ARHGEF10L: variants seen among roughly 807,000 people sequenced by gnomAD.
ARHGEF10L encodes Rho guanine nucleotide exchange factor 10 like, also known as rho guanine nucleotide exchange factor 10-like protein.
In ARHGEF10L, 69 loss-of-function variants were observed where a neutral mutation model predicts 141.2. The ratio of observed to expected loss-of-function variants is 0.49; its 90% CI spans 0.40 to 0.60. The LOEUF (loss-of-function observed/expected upper bound fraction) is 0.60. Among genes scored for constraint, ARHGEF10L ranks in the 20% least tolerant of loss-of-function variants. The pLI is 0.00. For missense variants in ARHGEF10L, 1,482 were observed against 1,734.3 expected (o/e 0.85, Z 2.58); for synonymous variants, 711 against 718.5 (o/e 0.99, Z 0.17).
At chr1:17,545,397 C>T (rs987092904) in intron 1 of ARHGEF10L, among the ~76,000 whole-genome samples, 9 of 152,118 alleles carry the variant, frequency 5.9e-5, no homozygotes, top group African/African-American at 2.2e-4. Flanking sequence ...CTGGGCAGGG[C>T]CTGCTTTGGT....
chr1:17,689,762 C>T (rs757964392), intron 27 of ARHGEF10L: 2 of 455,428 alleles, frequency 4.4e-6, no homozygotes, highest in Non-Finnish European at 4.4e-6. Context: ...GTTAGTGGAA[C>T]AATGAAGAAA....
Position 17,573,819 on chromosome 1 carries a change from C to T in ARHGEF10L, c.-43-6734C>T, listed in dbSNP as rs977182923. ...CCTGCAGATCCTCACCAGGGGCTCCCTAGGAGGTCAGTGCGGGAGGGTGGG... is the reference window on the plus strand; with the variant it reads ...CCTGCAGATCCTCACCAGGGGCTCCTTAGGAGGTCAGTGCGGGAGGGTGGG... On this transcript the variant is annotated intron_variant, in intron 1 of 28. Coordinates refer to ENST00000361221, the MANE Select transcript of ARHGEF10L (RefSeq NM_018125.4). The surrounding 1 kb of genome is among the most constrained non-coding windows in gnomAD (Gnocchi z 4.8). Among the ~76,000 whole-genome samples the T allele has an allele frequency of 6.6e-6, 1 of 151,644 alleles. No homozygotes were observed. Among genetic ancestry groups the T allele is most frequent in the Non-Finnish European group, 1.5e-5 (1 of 67,746 alleles).
At chr1:17,566,311 C>T (rs1370249718) in intron 1 of ARHGEF10L, among the ~76,000 whole-genome samples, 2 of 152,228 alleles carry the variant, frequency 1.3e-5, no homozygotes, top group Non-Finnish European at 2.9e-5. Context: ...GTGTGGCAAC[C>T]AAAGTGTCTA....
chr1:17,557,652 A>G (rs1056596904), intron 1 of ARHGEF10L, among the ~76,000 whole-genome samples: 2 of 152,244 alleles, frequency 1.3e-5, no homozygotes, highest in African/African-American at 4.8e-5. Flanking sequence ...TTGTTAATTT[A>G]TCATTCGTTC....
chr1:17,618,229 C>A, intron 9 of ARHGEF10L: 5 of 1,233,140 alleles, frequency 4.1e-6, no homozygotes, highest in Non-Finnish European at 5.4e-6. Context: ...CCTCCCAACC[C>A]CAGGCTGGCT....
chr1:17,551,630 A>G (rs1405639643), intron 1 of ARHGEF10L, among the ~76,000 whole-genome samples: 1 of 152,212 alleles, frequency 6.6e-6, no homozygotes, highest in East Asian at 1.9e-4. Flanking sequence ...TGCAAGGGAC[A>G]GAAGAGTTAC....
chr1:17,616,069 G>C, intron 8 of ARHGEF10L, 25 bp from the exon 9 acceptor site: 6 of 1,606,030 alleles, frequency 3.7e-6, no homozygotes, highest in Non-Finnish European at 3.4e-6. Flanking sequence ...TCCCTTCCCT[G>C]ATGAGCCTCT....
chr1:17,603,449 AC>A lies in ARHGEF10L; in HGVS notation c.350-57del. 1.4e-6 allele frequency: 2 copies of A among 1,425,608 alleles called. No homozygotes were observed. The highest frequency in any genetic ancestry group is 2.0e-6 in the Non-Finnish European group (2 of 1,025,180). The allele number at this position is 1,425,608 out of a possible 1,614,324, so 88.3% of individuals were successfully genotyped here. ...GTGCAGTCCTGATGTCATCTGCAGC[AC>A]CTCTGGCCAGGCTGCCACAGCCCAC... On this transcript the variant is annotated intron_variant, in intron 5 of 28. Transcript: ENST00000361221. This position sits in a 1 kb window ranked among gnomAD's most constrained non-coding sequence, Gnocchi z 4.8.
At chr1:17,624,634 T>C in intron 13 of ARHGEF10L, 131 bp downstream of exon 13, 1 of 735,272 alleles carries the variant, frequency 1.4e-6, no homozygotes, top group Non-Finnish European at 2.4e-6. Flanking sequence ...CTCTTTCTTT[T>C]GGGGCAGCCC....
At chr1:17,611,472 G>A (rs2059544253) in intron 7 of ARHGEF10L, among the ~76,000 whole-genome samples, 1 of 152,184 alleles carries the variant, frequency 6.6e-6, no homozygotes, top group South Asian at 2.1e-4. Context: ...AAACCTGTGT[G>A]AAGCTCAGAG....
At chr1:17,590,306 T>A (rs565776262) in intron 4 of ARHGEF10L, among the ~76,000 whole-genome samples, 4 of 152,246 alleles carry the variant, frequency 2.6e-5, no homozygotes, top group Non-Finnish European at 5.9e-5. Context: ...AGATGATCTC[T>A]GAGCTCTTGG....
intron 26 of ARHGEF10L, among the ~76,000 whole-genome samples, chr1:17,672,256 G>A (rs2063371367): frequency 7.1e-6 from 1 of 141,834 alleles, no homozygotes; most frequent in East Asian, 2.1e-4. Flanking sequence ...TAGTTTGCAT[G>A]TATTAGCTGT....
intron 26 of ARHGEF10L, among the ~76,000 whole-genome samples, chr1:17,670,413 A>G (rs1571417850): frequency 6.6e-6 from 1 of 152,244 alleles, no homozygotes; most frequent in Non-Finnish European, 1.5e-5. Flanking sequence ...CTCCGCGTTC[A>G]TGATCTAGAT....
At chr1:17,583,936 C>T (rs1375489330) in intron 2 of ARHGEF10L, among the ~76,000 whole-genome samples, 3 of 152,138 alleles carry the variant, frequency 2.0e-5, no homozygotes, top group East Asian at 1.9e-4. Flanking sequence ...ACTGCAGCCT[C>T]AAATTCCTGG....
chr1:17,560,984 C>T (rs1343880508), intron 1 of ARHGEF10L, among the ~76,000 whole-genome samples: 1 of 152,194 alleles, frequency 6.6e-6, no homozygotes, highest in Non-Finnish European at 1.5e-5. Context: ...TTTAGGGGCT[C>T]CAGGACTGGG....
chr1:17,537,032 G>A (rs2076585677), upstream of ARHGEF10L, among the ~76,000 whole-genome samples: 1 of 133,764 alleles, frequency 7.5e-6, no homozygotes, highest in Admixed American at 7.8e-5. Context: ...ACCGCATCTG[G>A]CTAGATTTTT....
chr1:17,625,908 G>A lies in ARHGEF10L; in HGVS notation c.1318-48G>A, dbSNP rs747143042. 19 of 1,542,506 alleles carry A rather than the reference G, an allele frequency of 1.2e-5. No homozygotes were observed. The highest frequency in any genetic ancestry group is 1.4e-5 in the Non-Finnish European group (16 of 1,117,146). On this transcript the variant is annotated intron_variant, in intron 13 of 28. Coordinates refer to ENST00000361221, the MANE Select transcript of ARHGEF10L (RefSeq NM_018125.4). The surrounding 1 kb of genome is among the most constrained non-coding windows in gnomAD (Gnocchi z 4.5). ...CAGTGTCTGGACTCTGGGGCACTGG[G>A]CCCTCTCTGCAGGGGGTCAGCGAAT...
rs1418090082 is a variant in ARHGEF10L, at chr1:17,603,579, G to T, written c.421G>T (p.Ala141Ser). The change falls in exon 6 of 29, where the codon GCG becomes TCG. Residue 141 changes from alanine (A) to serine (S), a missense_variant. Coordinates refer to ENST00000361221, the MANE Select transcript of ARHGEF10L (RefSeq NM_018125.4). The surrounding 1 kb of genome is among the most constrained non-coding windows in gnomAD (Gnocchi z 4.8). ...CGACGTCCCCTGCGAGAGCCCAGAT[G>T]CGCATCAGCCCGGTATGATGTCTGC... is the stretch of plus-strand genomic sequence containing the variant. ...YDDVPCESPD[A>S]HQPGAERNLL... The T allele has an allele frequency of 6.2e-7, 1 of 1,613,154 alleles. No individual in the cohort carries two copies. Among genetic ancestry groups the T allele is most frequent in the East Asian group, 2.2e-5 (1 of 44,860 alleles).
Position 17,697,323 on chromosome 1 carries a change from C to A in ARHGEF10L, c.3783C>A (p.Ala1261=), listed in dbSNP as rs2065584833. Residue 1261 remains alanine (A), a synonymous_variant, in exon 29 of 29, where the codon GCC becomes GCA. Transcript: ENST00000361221. This position sits in a 1 kb window ranked among gnomAD's most constrained non-coding sequence, Gnocchi z 4.8. ...GSALGSSGRQ[A]PCGETDSTLL... ...CTCTGGGCAGCAGTGGGAGGCAGGC[C>A]CCGTGTGGGGAGACGGACAGCACCC... 1.2e-6 allele frequency: 2 copies of A among 1,611,808 alleles called. No individual in the cohort carries two copies. The highest frequency in any genetic ancestry group is 2.7e-5 in the African/African-American group (2 of 74,928).
Sources: allele counts gnomAD v4.1 joint callset (sites outside exome capture counted in the v4.1 genomes callset), GRCh38; gene constraint gnomAD v4.1.1; non-coding constraint Gnocchi (gnomAD v3.1); transcripts MANE v1.5; gene names NCBI Gene and HGNC (gene_info 2026-07-23, HGNC 2026-07-21).